RETSAT: variants seen among roughly 807,000 people sequenced by gnomAD.
RETSAT encodes all-trans-retinol 13,14-reductase.
A neutral mutation model predicts 61.6 loss-of-function variants in RETSAT; 35 were observed. The observed-to-expected ratio is 0.57, with a 90% CI of 0.43 to 0.75. RETSAT has a LOEUF of 0.75. Among genes scored for constraint, RETSAT ranks in the 30% least tolerant of loss-of-function variants. The pLI, the probability that RETSAT is intolerant of heterozygous loss-of-function variation, is 0.00. For missense variants in RETSAT, 670 were observed against 759.5 expected, an observed-to-expected ratio of 0.88 and a Z score of 1.38; for synonymous variants, 277 against 310.4, an observed-to-expected ratio of 0.89 and a Z score of 1.13.
At position 85,350,104 on chromosome 2, in the gene RETSAT, G is replaced by A; in HGVS notation, c.735C>T (p.Val245=). 6.2e-7 allele frequency: 1 copy of A among 1,614,002 alleles called. No homozygotes were observed. The highest frequency in any genetic ancestry group is 8.5e-7 in the Non-Finnish European group (1 of 1,180,038). ...LQASTQSLAE[V]LQQLGASSEL... ...CAGAGGAGGCCCCCAGCTGCTGCAGGACCTCAGCCAGGCTCTGGGTGGATG... is the reference window on the plus strand; with the variant it reads ...CAGAGGAGGCCCCCAGCTGCTGCAGAACCTCAGCCAGGCTCTGGGTGGATG... Residue 245 remains valine (V), a synonymous_variant, in exon 4 of 11, where the codon GTC becomes GTT. Transcript: ENST00000295802.
At chr2:85,348,649 A>AG (rs1683244201) in intron 5 of RETSAT, among the ~76,000 whole-genome samples, 1 of 151,432 alleles carries the variant, frequency 6.6e-6, no homozygotes, top group East Asian at 1.9e-4. Flanking sequence ...AAAAAAAAAA[A>AG]AAGAAGACAG....
intron 3 of RETSAT, 77 bp downstream of exon 3, chr2:85,350,703 C>T (rs1011452252): frequency 6.4e-7 from 1 of 1,555,972 alleles, no homozygotes; most frequent in Non-Finnish European, 8.8e-7. Flanking sequence ...ACTCTCCACC[C>T]CCAGTGCCTC....
rs758440028 is a variant in RETSAT at position 85,342,966 on chromosome 2, C to T, written c.*276G>A. On this transcript the variant is annotated 3_prime_UTR_variant, in exon 11 of 11. Coordinates refer to ENST00000295802, the MANE Select transcript of RETSAT (RefSeq NM_017750.4). Reference sequence around the variant, plus strand: ...GGCATGGGTGAGGGATGCAGAGCGCCGCTCGTCATGAGACATCAAGCTATC... The same window carrying T: ...GGCATGGGTGAGGGATGCAGAGCGCTGCTCGTCATGAGACATCAAGCTATC... 117 of 339,156 alleles carry T rather than the reference C, an allele frequency of 3.4e-4. No homozygotes were observed. Among genetic ancestry groups the T allele is most frequent in the Non-Finnish European group, 5.5e-4 (98 of 178,318 alleles). The allele number at this position is 339,156 out of a possible 1,614,324, so 21.0% of individuals were successfully genotyped here. A position where few individuals can be genotyped will look rare whatever the true frequency, so the allele number is the denominator to read the frequency against.
intron 6 of RETSAT, 35 bp from the exon 7 acceptor site, chr2:85,344,767 A>G (rs1573061799): frequency 1.2e-6 from 2 of 1,606,800 alleles, no homozygotes; most frequent in Non-Finnish European, 1.7e-6. Context: ...TGTGTGGACC[A>G]TGGCCGGAGA....
At position 85,343,697 on chromosome 2, in the gene RETSAT, G is replaced by T; in HGVS notation, c.1635C>A (p.His545Gln). 2 of 1,614,154 alleles carry T rather than the reference G, an allele frequency of 1.2e-6. No individual in the cohort carries two copies. The highest frequency in any genetic ancestry group is 1.1e-5 in the South Asian group (1 of 91,084). ...YGADHDLGRL[H>Q]PCVMASLRAQ... ...CCCTCAAGGAGGCCATCACACAAGGGTGCAGGCGGCCCAGGTCATGGTCAG... is the reference window on the plus strand; with the variant it reads ...CCCTCAAGGAGGCCATCACACAAGGTTGCAGGCGGCCCAGGTCATGGTCAG... Residue 545 changes from histidine to glutamine, a missense_variant, in exon 10 of 11, where the codon CAC becomes CAA. By Grantham distance (24) the His-to-Gln change is conservative. Transcript: ENST00000295802.
chr2:85,352,794 T>C (rs965755950), intron 1 of RETSAT, among the ~76,000 whole-genome samples: 2 of 152,110 alleles, frequency 1.3e-5, no homozygotes, highest in African/African-American at 4.8e-5. Flanking sequence ...ACAGAACTGC[T>C]CAGAGGCTGC....
Position 85,342,973 on chromosome 2 carries a change from C to A in RETSAT, c.*269G>T. 5.6e-6 allele frequency: 2 copies of A among 359,926 alleles called. No individual in the cohort carries two copies. The highest frequency in any genetic ancestry group is 1.0e-5 in the Non-Finnish European group (2 of 191,280). 22.3% of individuals were successfully genotyped at this position (359,926 alleles called of 1,614,324 possible). On this transcript the variant is annotated 3_prime_UTR_variant, in exon 11 of 11. Coordinates refer to ENST00000295802, the MANE Select transcript of RETSAT (RefSeq NM_017750.4). The stretch of plus-strand genomic sequence containing the variant: ...GTGAGGGATGCAGAGCGCCGCTCGT[C>A]ATGAGACATCAAGCTATCCAAGTCA...
At chr2:85,347,096 C>G (rs1224757176) in intron 5 of RETSAT, among the ~76,000 whole-genome samples, 1 of 152,082 alleles carries the variant, frequency 6.6e-6, no homozygotes, top group South Asian at 2.1e-4. Flanking sequence ...ATTCTCCAAC[C>G]TCATCTGCTT....
At chr2:85,344,568 C>T (rs113902773) in intron 7 of RETSAT, 26 bp downstream of exon 7, 343 of 1,612,692 alleles carry the variant, frequency 2.1e-4, no homozygotes, top group South Asian at 1.3e-3. Flanking sequence ...ACGGGCCACA[C>T]ACATACACAC....
chr2:85,354,256 G>A, intron 1 of RETSAT, 80 bp downstream of exon 1: 1 of 1,507,430 alleles, frequency 6.6e-7, no homozygotes, highest in South Asian at 1.1e-5. Context: ...GTCTGGTAGC[G>A]GCTGCCTTGG....
At chr2:85,353,075 TA>T (rs768667147) in intron 1 of RETSAT, among the ~76,000 whole-genome samples, 137 of 152,350 alleles carry the variant, frequency 9.0e-4, no homozygotes, top group Non-Finnish European at 7.2e-4. Context: ...GTATATAAGA[TA>T]AATACATGAA....
intron 1 of RETSAT, among the ~76,000 whole-genome samples, chr2:85,353,919 G>A (rs1213415775): frequency 6.6e-6 from 1 of 152,098 alleles, no homozygotes; most frequent in African/African-American, 2.4e-5. Flanking sequence ...ATCACCGGAC[G>A]GGCAAAACGC....
intron 5 of RETSAT, among the ~76,000 whole-genome samples, chr2:85,348,426 T>A (rs377614722): frequency 6.6e-6 from 1 of 152,072 alleles, no homozygotes; most frequent in Admixed American, 6.5e-5. Flanking sequence ...ATCAGGAGAT[T>A]GAGACCATCC....
At chr2:85,350,350 C>T (rs1683277843) in intron 3 of RETSAT, 109 bp from the exon 4 acceptor site, 10 of 762,432 alleles carry the variant, frequency 1.3e-5, no homozygotes, top group Non-Finnish European at 1.8e-5. Flanking sequence ...TTACCCCTGA[C>T]TGAACTTTGC....
intron 5 of RETSAT, among the ~76,000 whole-genome samples, chr2:85,348,468 T>C (rs1419506108): frequency 1.3e-5 from 2 of 151,546 alleles, no homozygotes; most frequent in Admixed American, 6.6e-5. Flanking sequence ...CCATCTCTAC[T>C]AAAAATACAA....
intron 6 of RETSAT, among the ~76,000 whole-genome samples, chr2:85,345,284 C>T (rs1382140335): frequency 1.3e-5 from 2 of 152,158 alleles, no homozygotes; most frequent in African/African-American, 4.8e-5. Context: ...CCACCCAGTC[C>T]CCATGCGGAA....
chr2:85,347,383 C>T (rs1489440381), intron 5 of RETSAT, among the ~76,000 whole-genome samples: 5 of 152,228 alleles, frequency 3.3e-5, no homozygotes, highest in African/African-American at 4.8e-5. Flanking sequence ...CTCCCAGCAC[C>T]GTGCCTGGCT....
At position 85,349,568 on chromosome 2, in the gene RETSAT, G is replaced by A; in HGVS notation, c.813C>T (p.Asn271=). The change falls in exon 5 of 11, where the codon AAC becomes AAT. Residue 271 remains asparagine (N), a synonymous_variant. Transcript: ENST00000295802. ...YIFPTYGVTP[N]HSAFSMHALL... ...GGGCGTGCATGGAAAAGGCACTGTG[G>A]TTGGGGGTGACACCTGCAGAAGCAA... The A allele has an allele frequency of 1.2e-6, 2 of 1,614,136 alleles. No individual in the cohort carries two copies. Among genetic ancestry groups the A allele is most frequent in the East Asian group, 2.2e-5 (1 of 44,890 alleles).
chr2:85,354,390 G>T lies in RETSAT; in HGVS notation c.118C>A (p.Pro40Thr). ...PNPFSEDVKR[P>T]PAPLVTDKEA... ...TTGTCAGTTACCAGGGGCGCTGGGGGCCGTTTGACATCTTCGGAGAAAGGA... is the reference window on the plus strand; with the variant it reads ...TTGTCAGTTACCAGGGGCGCTGGGGTCCGTTTGACATCTTCGGAGAAAGGA... Residue 40 changes from proline (P) to threonine (T), a missense_variant, in exon 1 of 11, where the codon CCC (proline) becomes ACC (threonine). Pro to Thr is a conservative substitution (Grantham distance 38). Coordinates refer to ENST00000295802, the MANE Select transcript of RETSAT (RefSeq NM_017750.4). 2 of 1,614,212 alleles carry T rather than the reference G, an allele frequency of 1.2e-6. No homozygotes were observed. Among genetic ancestry groups the T allele is most frequent in the Non-Finnish European group, 1.7e-6 (2 of 1,180,038 alleles).
Sources: gnomAD v4.1 joint callset for allele counts (sites outside exome capture counted in the v4.1 genomes callset) on GRCh38, gnomAD v4.1.1 for gene constraint, MANE v1.5 for transcripts, NCBI Gene and HGNC (gene_info 2026-07-23, HGNC 2026-07-21) for gene names.